The following HS2ST1 variants were observed in gnomAD, a reference collection of about 807,000 sequenced individuals.
The protein encoded by HS2ST1 is heparan sulfate 2-O-sulfotransferase 1.
A neutral mutation model predicts 42.9 loss-of-function variants in HS2ST1; 18 were observed. The ratio of observed to expected loss-of-function variants is 0.42; its 90% confidence interval spans 0.29 to 0.62. The LOEUF (loss-of-function observed/expected upper bound fraction) is 0.62, where lower values mean the gene tolerates loss of function less well. HS2ST1 is among the 20% of genes least tolerant of loss of function. The probability of loss-of-function intolerance (pLI) is 0.21; values close to 1 mark genes in which losing one functional copy is unlikely to be tolerated. For synonymous variants in HS2ST1, 146 were observed against 152.9 expected, an observed-to-expected ratio of 0.95 and a Z score of 0.33; for missense variants, 334 against 433.8, an observed-to-expected ratio of 0.77 and a Z score of 2.04.
Position 87,061,086 on chromosome 1 carries a change from A to G in HS2ST1, c.125-11848A>G, listed in dbSNP as rs77133373. On this transcript the variant is annotated intron_variant, in intron 1 of 6. Transcript: ENST00000370550. Reference sequence around the variant, plus strand: ...TATGTTTGTTTAAAAGATGTGTCTAATAAGGGCCTACAAAAATTTATTGTA... The same window carrying G: ...TATGTTTGTTTAAAAGATGTGTCTAGTAAGGGCCTACAAAAATTTATTGTA... Among the ~76,000 whole-genome samples, 58 of 152,274 alleles carry G rather than the reference A, an allele frequency of 3.8e-4. No individual in the cohort carries two copies. In the East Asian group the frequency reaches 0.011, roughly 29 times the overall value.
At chr1:86,968,109 G>A (rs1004414276) in intron 1 of HS2ST1, among the ~76,000 whole-genome samples, 2 of 152,042 alleles carry the variant, frequency 1.3e-5, no homozygotes, top group African/African-American at 2.4e-5. Context: ...CAAAAATGTC[G>A]TTTGCCCACT....
At chr1:87,072,861 G>A (rs1422825361) in intron 1 of HS2ST1, 73 bp from the exon 2 acceptor site, 9 of 1,018,352 alleles carry the variant, frequency 8.8e-6, no homozygotes, top group African/African-American at 1.6e-5. Context: ...TCTAATCATG[G>A]TCCAAAGTTC....
chr1:86,936,502 G>T (rs1056252001), intron 1 of HS2ST1, among the ~76,000 whole-genome samples: 1 of 152,082 alleles, frequency 6.6e-6, no homozygotes, highest in East Asian at 1.9e-4. Flanking sequence ...GCTTTACCAA[G>T]TTTCAGGAGT....
intron 1 of HS2ST1, among the ~76,000 whole-genome samples, chr1:86,936,106 T>TGA (rs1660648900): frequency 6.6e-6 from 1 of 152,224 alleles, no homozygotes; most frequent in African/African-American, 2.4e-5. Flanking sequence ...TCTCTTTGCC[T>TGA]CCTTCCCTGC....
chr1:87,073,006 C>T lies in HS2ST1; in HGVS notation c.197C>T (p.Ala66Val), dbSNP rs139223877. Residue 66 changes from alanine (A) to valine (V), a missense_variant, in exon 2 of 7, where the codon GCC (alanine) becomes GTC (valine). Transcript: ENST00000370550. ...RHTMDGPRQDATLDEEEDMVI... is the reference protein window; with the variant it reads ...RHTMDGPRQDVTLDEEEDMVI... The stretch of plus-strand genomic sequence containing the variant: ...ACAATGGATGGCCCTCGGCAAGATG[C>T]CACTTTAGATGAGGAAGAGGACATG... The T allele has an allele frequency of 1.2e-4, 188 of 1,613,996 alleles. 1 individual carries two copies. In the African/African-American group the frequency reaches 2.1e-3, roughly 18 times the overall value.
chr1:86,924,207 A>G (rs1211134762), intron 1 of HS2ST1, among the ~76,000 whole-genome samples: 1 of 152,224 alleles, frequency 6.6e-6, no homozygotes, highest in African/African-American at 2.4e-5. Flanking sequence ...CATCCAGGTC[A>G]CACTGATGCA....
intron 1 of HS2ST1, among the ~76,000 whole-genome samples, chr1:87,038,576 T>C (rs1033499736): frequency 5.9e-5 from 9 of 152,186 alleles, no homozygotes; most frequent in Non-Finnish European, 1.3e-4. Context: ...TGCATTCATA[T>C]TGTGAATTAC....
chr1:87,011,639 G>A (rs1255523950), intron 1 of HS2ST1, among the ~76,000 whole-genome samples: 2 of 152,056 alleles, frequency 1.3e-5, no homozygotes, highest in Non-Finnish European at 2.9e-5. Flanking sequence ...AATAGAATTA[G>A]GGCATTGTAT....
intron 1 of HS2ST1, among the ~76,000 whole-genome samples, chr1:87,066,582 TTTA>T (rs1466567016): frequency 3.3e-5 from 5 of 152,152 alleles, no homozygotes; most frequent in Admixed American, 2.6e-4. Context: ...AAAATTTTTT[TTTA>T]TTATTATACT....
In HS2ST1 at chr1:86,914,924, GCT is replaced by G. The variant is rs1184734266; in HGVS notation, c.-106_-105del. The G allele has an allele frequency of 6.7e-6, 9 of 1,341,346 alleles. No homozygotes were observed. The African/African-American group carries it at 7.3e-5, about 11-fold the overall frequency. The allele number at this position is 1,341,346 out of a possible 1,614,324, so 83.1% of individuals were successfully genotyped here. A position where few individuals can be genotyped will look rare whatever the true frequency, so the allele number is the denominator to read the frequency against. On this transcript the variant is annotated 5_prime_UTR_variant, in exon 1 of 7. Coordinates refer to ENST00000370550, the MANE Select transcript of HS2ST1 (RefSeq NM_012262.4). ...TCGCTGCGGTGGTTCTCTCGCTGTC[GCT>G]CTCTCTTTGCCTCGCTCCCGGCTCG...
chr1:87,004,422 G>C (rs1460271196), intron 1 of HS2ST1, among the ~76,000 whole-genome samples: 1 of 152,054 alleles, frequency 6.6e-6, no homozygotes, highest in African/African-American at 2.4e-5. Context: ...ATATAAGCCT[G>C]CGTATCTCAA....
At chr1:86,971,567 T>C (rs1648234636) in intron 1 of HS2ST1, among the ~76,000 whole-genome samples, 1 of 152,214 alleles carries the variant, frequency 6.6e-6, no homozygotes, top group Non-Finnish European at 1.5e-5. Context: ...ATGTGGAATT[T>C]GAATAAAAGT....
At chr1:87,050,244 C>T (rs2100613391) in intron 1 of HS2ST1, among the ~76,000 whole-genome samples, 1 of 151,734 alleles carries the variant, frequency 6.6e-6, no homozygotes, top group Admixed American at 6.6e-5. Flanking sequence ...ATAATTAGTA[C>T]ATTATCTTTT....
At chr1:87,102,300 C>T (rs762460809) in intron 5 of HS2ST1, among the ~76,000 whole-genome samples, 42 of 152,038 alleles carry the variant, frequency 2.8e-4, no homozygotes, top group Admixed American at 4.6e-4. Flanking sequence ...TGAGGTGACC[C>T]GCCCACCTTG....
chr1:86,970,095 A>G (rs2102208258), intron 1 of HS2ST1, among the ~76,000 whole-genome samples: 1 of 151,678 alleles, frequency 6.6e-6, no homozygotes, highest in South Asian at 2.1e-4. Flanking sequence ...ATTGCACTCC[A>G]GCCTGGGCAA....
chr1:86,935,425 T>A (rs1660624641), intron 1 of HS2ST1, among the ~76,000 whole-genome samples: 1 of 151,026 alleles, frequency 6.6e-6, no homozygotes. Flanking sequence ...TTCTTTTATG[T>A]TTTGGAGGTT....
At chr1:86,931,568 A>G (rs1013629603) in intron 1 of HS2ST1, among the ~76,000 whole-genome samples, 1 of 152,092 alleles carries the variant, frequency 6.6e-6, no homozygotes, top group Non-Finnish European at 1.5e-5. Context: ...GTTTTATTAA[A>G]TAATAACAAG....
intron 1 of HS2ST1, among the ~76,000 whole-genome samples, chr1:86,958,095 G>A (rs1304921589): frequency 2.0e-5 from 3 of 152,028 alleles, no homozygotes; most frequent in African/African-American, 2.4e-5. Flanking sequence ...CCCAGCTAAG[G>A]GGTTTATATA....
chr1:86,914,987 T>A lies in HS2ST1; in HGVS notation c.-50T>A, dbSNP rs201730174. On this transcript the variant is annotated 5_prime_UTR_variant, in exon 1 of 7. Coordinates refer to ENST00000370550, the MANE Select transcript of HS2ST1 (RefSeq NM_012262.4). ...CCCGGCGTCTCTCTCGCCTCCGGGG[T>A]CCCGCTCCCCGCCCCCCGCGGTATG... is the stretch of plus-strand genomic sequence containing the variant. The A allele has an allele frequency of 1.2e-6, 2 of 1,609,384 alleles. No homozygotes were observed. The highest frequency in any genetic ancestry group is 1.7e-6 in the Non-Finnish European group (2 of 1,178,814).
Sources: allele counts gnomAD v4.1 joint callset (sites outside exome capture counted in the v4.1 genomes callset), GRCh38; gene constraint gnomAD v4.1.1; transcripts MANE v1.5; gene names NCBI Gene and HGNC (gene_info 2026-07-23, HGNC 2026-07-21).